The following TNC variants were observed in gnomAD, a reference collection of about 807,000 sequenced individuals.
The protein encoded by TNC is tenascin.
TNC carries 109 observed loss-of-function variants against 202.4 expected under a neutral mutation model. That is an observed-to-expected ratio of 0.54 (90% CI 0.46 to 0.63). The LOEUF is 0.63. TNC is among the 30% of genes least tolerant of loss of function. The probability of loss-of-function intolerance (pLI) is 0.00; values close to 1 mark genes in which losing one functional copy is unlikely to be tolerated. For missense variants in TNC, 2,756 were observed against 2,833.3 expected (o/e 0.97, Z 0.62); for synonymous variants, 1,007 against 1,089.7 (o/e 0.92, Z 1.50).
In TNC at chr9:115,059,953, A is replaced by C; in HGVS notation, c.4083T>G (p.Asp1361Glu). ...CTGCGGTCCAGTTGAGTCTGAGGCC[A>C]TCCCAGCCAACCTCAGACACGGCTA... The part of the protein sequence containing the change: ...GDLAVSEVGW[D>E]GLRLNWTAAD... The change falls in exon 14 of 28, where the codon GAT (aspartate) becomes GAG (glutamate). Residue 1361 changes from aspartate (D) to glutamate (E), a missense_variant. By Grantham distance (45) the Asp-to-Glu change is conservative. This residue lies in a region of TNC where 2,559 missense variants were observed against 2,546.0 expected (regional missense o/e 1.01). Transcript: ENST00000350763. The C allele has an allele frequency of 6.2e-7, 1 of 1,614,112 alleles. No homozygotes were observed. The highest frequency in any genetic ancestry group is 8.5e-7 in the Non-Finnish European group (1 of 1,180,008).
rs1564438397 is a variant in TNC at position 115,049,488 on chromosome 9, A to T, written c.4580-956T>A. On this transcript the variant is annotated intron_variant, in intron 15 of 27. Transcript: ENST00000350763. ...ACTTATCCTAGGTCATACATCTGCT[A>T]GGTGCCTAAGCTGAGATACAATCAG... is the stretch of plus-strand genomic sequence containing the variant. 3.3e-5 allele frequency among the ~76,000 whole-genome samples: 5 copies of T among 152,266 alleles called. No homozygotes were observed. In the South Asian group the frequency reaches 8.3e-4, roughly 25 times the overall value.
At chr9:115,090,528 A>T (rs1322763531) in intron 2 of TNC, 34 bp downstream of exon 2, 5 of 1,486,776 alleles carry the variant, frequency 3.4e-6, no homozygotes, top group Admixed American at 2.2e-5. Flanking sequence ...CCATGTTTGC[A>T]CAGTGTGGGA....
intron 6 of TNC, 137 bp downstream of exon 6, chr9:115,081,635 C>A: frequency 1.0e-6 from 1 of 995,778 alleles, no homozygotes; most frequent in Admixed American, 2.2e-5. Flanking sequence ...TATTTTAAAC[C>A]ACTGTATCTG....
chr9:115,097,777 G>A (rs1224679672), intron 1 of TNC, among the ~76,000 whole-genome samples: 2 of 152,196 alleles, frequency 1.3e-5, no homozygotes, highest in Non-Finnish European at 2.9e-5. Context: ...GTAGCATGCA[G>A]GGAATATGGA....
chr9:115,076,711 C>G, intron 7 of TNC, 136 bp from the exon 8 acceptor site: 1 of 978,512 alleles, frequency 1.0e-6, no homozygotes, highest in Non-Finnish European at 1.5e-6. Flanking sequence ...CTCATCTGTC[C>G]CCATAGTGGA....
At chr9:115,098,848 T>C (rs1364745464) in intron 1 of TNC, among the ~76,000 whole-genome samples, 1 of 152,082 alleles carries the variant, frequency 6.6e-6, no homozygotes, top group African/African-American at 2.4e-5. Context: ...TCCTAGAAAT[T>C]CCTCACCCTT....
intron 15 of TNC, among the ~76,000 whole-genome samples, chr9:115,053,662 T>C (rs1017774041): frequency 6.6e-6 from 1 of 152,216 alleles, no homozygotes. Flanking sequence ...AGTTTCCTCA[T>C]TTAGTATTCT....
rs1829519272 is a variant in TNC at position 115,026,778 on chromosome 9, G to A, written c.6170-83C>T. On this transcript the variant is annotated intron_variant, in intron 25 of 27. Coordinates refer to ENST00000350763, the MANE Select transcript of TNC (RefSeq NM_002160.4). ...ATTTCACTCTGTAAAAGCGGCAACT[G>A]GGTACACTTAAGACAGGGCCAACTG... 5 of 1,385,932 alleles carry A rather than the reference G, an allele frequency of 3.6e-6. No individual in the cohort carries two copies. The East Asian group carries it at 1.2e-4, about 32-fold the overall frequency. 85.9% of individuals were successfully genotyped at this position (1,385,932 alleles called of 1,614,324 possible). A position where few individuals can be genotyped will look rare whatever the true frequency, so the allele number is the denominator to read the frequency against.
rs544316654 is a variant in TNC, at chr9:115,071,356, A to G, written c.3214+2247T>C. On this transcript the variant is annotated intron_variant, in intron 10 of 27. Coordinates refer to ENST00000350763, the MANE Select transcript of TNC (RefSeq NM_002160.4). ...ACTGAAGAATGTCTTTAAATACGAA[A>G]CATGATATCTTTGAAATGGCATTAA... Among the ~76,000 whole-genome samples the G allele has an allele frequency of 1.4e-3, 217 of 152,342 alleles. 1 individual carries two copies. The highest frequency in any genetic ancestry group is 4.9e-3 in the African/African-American group (204 of 41,578).
intron 17 of TNC, among the ~76,000 whole-genome samples, chr9:115,044,569 T>A (rs996082957): frequency 4.6e-5 from 7 of 152,158 alleles, no homozygotes; most frequent in Non-Finnish European, 8.8e-5. Flanking sequence ...TTATTCATTC[T>A]CTTTTTTGCT....
At position 115,064,043 on chromosome 9, in the gene TNC, G is replaced by A. The variant is rs562793021; in HGVS notation, c.3513C>T (p.Val1171=). The change falls in exon 12 of 28, where the codon GTC becomes GTT. Residue 1171 remains valine (V), a synonymous_variant. Transcript: ENST00000350763. ...CATCCCAGCCCACCTCGGCCACCAC[G>A]ACCTCTCCCAAATTGGGAGTTTCCC... ...STGETPNLGE[V]VVAEVGWDAL... 114 of 1,611,236 alleles carry A rather than the reference G, an allele frequency of 7.1e-5. No individual in the cohort carries two copies. In the East Asian group the frequency reaches 2.2e-3, roughly 32 times the overall value.
In TNC at chr9:115,081,839, A is replaced by G; in HGVS notation, c.2337T>C (p.Tyr779=). The change falls in exon 6 of 28, where the codon TAT becomes TAC. Residue 779 remains tyrosine (Y), a synonymous_variant. Coordinates refer to ENST00000350763, the MANE Select transcript of TNC (RefSeq NM_002160.4). Reference sequence around the variant, plus strand: ...TTTTCACTATGTGCAGAGATATCTCATACTCTTGCCCAGGAGCTAGACCAG... The same window carrying G: ...TTTTCACTATGTGCAGAGATATCTCGTACTCTTGCCCAGGAGCTAGACCAG... ...RQTGLAPGQE[Y]EISLHIVKNN... 6.2e-7 allele frequency: 1 copy of G among 1,609,820 alleles called. No individual in the cohort carries two copies.
At chr9:115,064,495 T>A (rs1012085997) in intron 11 of TNC, 152 bp downstream of exon 11, 3 of 1,030,216 alleles carry the variant, frequency 2.9e-6, no homozygotes, top group South Asian at 1.6e-5. Context: ...TGCCTTGGGG[T>A]TCTGTAGCGT....
chr9:115,084,603 A>T (rs1834568075), intron 3 of TNC, 131 bp from the exon 4 acceptor site: 6 of 1,116,302 alleles, frequency 5.4e-6, no homozygotes, highest in Admixed American at 2.6e-5. Flanking sequence ...TAAAATGCAG[A>T]TGGCATCAGG....
chr9:115,065,516 G>A lies in TNC; in HGVS notation c.3215-597C>T, dbSNP rs762079864. On this transcript the variant is annotated intron_variant, in intron 10 of 27. Coordinates refer to ENST00000350763, the MANE Select transcript of TNC (RefSeq NM_002160.4). ...TAGAAAACTATATGTCTATGTTAGC[G>A]ATGCTCTGAGCTTCAGTTTTCATTT... is the stretch of plus-strand genomic sequence containing the variant. 1.1e-4 allele frequency among the ~76,000 whole-genome samples: 16 copies of A among 152,118 alleles called. 1 individual carries two copies. The highest frequency in any genetic ancestry group is 1.9e-4 in the Non-Finnish European group (13 of 68,016).
chr9:115,063,760 G>A (rs538805959), intron 12 of TNC, 36 bp downstream of exon 12: 28 of 1,588,238 alleles, frequency 1.8e-5, no homozygotes, highest in Non-Finnish European at 2.3e-5. Context: ...CAGAGACAAA[G>A]GGGAGGAAGT....
At chr9:115,023,021 C>T (rs1025054769) in intron 27 of TNC, among the ~76,000 whole-genome samples, 9 of 116,338 alleles carry the variant, frequency 7.7e-5, no homozygotes, top group Non-Finnish European at 1.1e-4. Context: ...CCCACAACAA[C>T]AAAAATGCAA....
chr9:115,063,979 C>T lies in TNC; in HGVS notation c.3577G>A (p.Glu1193Lys). 6.2e-7 allele frequency: 1 copy of T among 1,614,154 alleles called. No individual in the cohort carries two copies. Among genetic ancestry groups the T allele is most frequent in the Non-Finnish European group, 8.5e-7 (1 of 1,180,014 alleles). ...LNWTAPEGAY[E>K]YFFIQVQEAD... The stretch of plus-strand genomic sequence containing the variant: ...TCCTGCACCTGAATGAAAAAGTACT[C>T]ATAGGCCCCTTCTGGAGCAGTCCAG... Residue 1193 changes from glutamate (E) to lysine (K), a missense_variant, in exon 12 of 28, where the codon GAG becomes AAG. By Grantham distance (56) the Glu-to-Lys change is moderately conservative (BLOSUM62 1). Transcript: ENST00000350763.
chr9:115,069,522 T>C (rs1290096127), intron 10 of TNC, among the ~76,000 whole-genome samples: 4 of 151,280 alleles, frequency 2.6e-5, no homozygotes. Context: ...GAATGATGCC[T>C]GGTACACACT....
Sources: gnomAD v4.1 joint callset for allele counts (sites outside exome capture counted in the v4.1 genomes callset) on GRCh38, gnomAD v4.1.1 for gene constraint, gnomAD v4.1.1 regional missense constraint, MANE v1.5 for transcripts, NCBI Gene and HGNC (gene_info 2026-07-23, HGNC 2026-07-21) for gene names.